The following FAM20C variants were observed in gnomAD, a reference collection of about 807,000 sequenced individuals.
FAM20C encodes the protein FAM20C golgi associated secretory pathway kinase.
Under a neutral mutation model 51.5 loss-of-function variants are expected in FAM20C, and 40 were observed. That is an observed-to-expected ratio of 0.78 (90% confidence interval 0.60 to 1.01). The LOEUF is 1.01. FAM20C is among the 50% of genes least tolerant of loss of function. The probability of loss-of-function intolerance (pLI) is 0.00; values close to 1 mark genes in which losing one functional copy is unlikely to be tolerated. For missense variants in FAM20C, 861 were observed against 844.7 expected (o/e 1.02, Z -0.24); for synonymous variants, 406 against 380.6 (o/e 1.07, Z -0.78).
intron 3 of FAM20C, among the ~76,000 whole-genome samples, chr7:223,625 G>A (rs1292457321): frequency 1.3e-5 from 2 of 152,160 alleles, no homozygotes; most frequent in African/African-American, 4.8e-5. Context: ...CTGCTGCACC[G>A]AGCCCCGTGG....
chr7:200,162 C>A (rs1292471192), intron 2 of FAM20C, among the ~76,000 whole-genome samples: 1 of 152,212 alleles, frequency 6.6e-6, no homozygotes, highest in Non-Finnish European at 1.5e-5. Flanking sequence ...CGTGTCTGTT[C>A]CTTGGGAGCA....
intron 3 of FAM20C, among the ~76,000 whole-genome samples, chr7:218,475 C>T (rs1787105583): frequency 6.6e-6 from 1 of 152,238 alleles, no homozygotes; most frequent in Admixed American, 6.5e-5. Flanking sequence ...CTGGTAAGCT[C>T]GTGGCCCAGC....
intron 4 of FAM20C, among the ~76,000 whole-genome samples, chr7:247,163 C>A (rs1039110065): frequency 6.6e-6 from 1 of 152,204 alleles, no homozygotes; most frequent in African/African-American, 2.4e-5. Flanking sequence ...CCTGGGAGGC[C>A]CCACGGTCGC....
intron 3 of FAM20C, among the ~76,000 whole-genome samples, chr7:214,766 A>G (rs1392344982): frequency 1.3e-5 from 2 of 152,150 alleles, no homozygotes; most frequent in African/African-American, 4.8e-5. Context: ...GGGACTGAGC[A>G]TGGGTTTGAG....
At chr7:230,665 C>G (rs1452841821) in intron 3 of FAM20C, among the ~76,000 whole-genome samples, 1 of 152,142 alleles carries the variant, frequency 6.6e-6, no homozygotes, top group African/African-American at 2.4e-5. Context: ...TTAGATGAGT[C>G]GCGATACAGA....
Position 193,433 on chromosome 7 carries a change from C to G in FAM20C, c.234C>G (p.Gly78=), listed in dbSNP as rs1263950129. ...CCCCGGCCGCCTCCTCCGCCGCCGG[C>G]GACGCGGGCTGGCCCAACAAGCACA... ...GEPPAASSAA[G]DAGWPNKHTL... is the part of the protein sequence containing the mutation. The change falls in exon 1 of 10, where the codon GGC becomes GGG. Residue 78 remains glycine, a synonymous_variant. Transcript: ENST00000313766. The G allele has an allele frequency of 5.6e-6, 8 of 1,422,070 alleles. No homozygotes were observed. The highest frequency in any genetic ancestry group is 6.5e-6 in the Non-Finnish European group (7 of 1,076,974). The allele number at this position is 1,422,070 out of a possible 1,614,324, so 88.1% of individuals were successfully genotyped here.
intron 3 of FAM20C, among the ~76,000 whole-genome samples, chr7:212,823 G>A (rs1786784526): frequency 6.6e-6 from 1 of 152,158 alleles, no homozygotes; most frequent in African/African-American, 2.4e-5. Flanking sequence ...TAATTCACAA[G>A]CCATGCGATT....
intron 3 of FAM20C, among the ~76,000 whole-genome samples, chr7:230,931 C>T (rs766017628): frequency 5.9e-5 from 9 of 152,156 alleles, no homozygotes; most frequent in Non-Finnish European, 8.8e-5. Flanking sequence ...AGTGTGGACC[C>T]GCTGCTGGAC....
In FAM20C at chr7:208,848, AG is replaced by A. The variant is rs764364290; in HGVS notation, c.785-46del. ...GAGCCCTCGTCCGCACAGGAGAAGA[AG>A]GGGCGTGAGGCCAGAGAGTGACCCT... On this transcript the variant is annotated intron_variant, in intron 2 of 9. Coordinates refer to ENST00000313766, the MANE Select transcript of FAM20C (RefSeq NM_020223.4). The A allele has an allele frequency of 3.8e-5, 58 of 1,535,466 alleles. 1 individual carries two copies. In the Admixed American group the frequency reaches 8.1e-4, roughly 21 times the overall value.
At position 257,831 on chromosome 7, in the gene FAM20C, T is replaced by TG. The variant is rs1346497893; in HGVS notation, c.1445+748dup. On this transcript the variant is annotated intron_variant, in intron 8 of 9. Coordinates refer to ENST00000313766, the MANE Select transcript of FAM20C (RefSeq NM_020223.4). ...GACCCACTGCCCGGGGTGCTGGAGA[T>TG]GGGCAGGGTGGACCCACTGCCTGGG... Among the ~76,000 whole-genome samples the TG allele has an allele frequency of 1.4e-3, 157 of 115,124 alleles. 1 individual carries two copies. The highest frequency in any genetic ancestry group is 2.1e-3 in the African/African-American group (59 of 28,462). 75.5% of individuals were successfully genotyped at this position (115,124 alleles called of 152,430 possible).
At chr7:228,651 G>A (rs971298368) in intron 3 of FAM20C, 1 of 456,264 alleles carries the variant, frequency 2.2e-6, no homozygotes, top group Admixed American at 2.3e-5. Flanking sequence ...AGAAGCTCAG[G>A]TTTGGACAAC....
intron 8 of FAM20C, among the ~76,000 whole-genome samples, 198 bp from the exon 9 acceptor site, chr7:258,448 G>C (rs1215589496): frequency 1.1e-5 from 1 of 93,856 alleles, no homozygotes; most frequent in Non-Finnish European, 2.2e-5. Context: ...CTGGAGATGG[G>C]TGGGATGGAC....
chr7:241,202 C>T (rs1787937297), intron 3 of FAM20C, among the ~76,000 whole-genome samples: 1 of 152,128 alleles, frequency 6.6e-6, no homozygotes, highest in Non-Finnish European at 1.5e-5. Context: ...CTGGGGCTTT[C>T]AGCCCAGCTG....
intron 2 of FAM20C, among the ~76,000 whole-genome samples, chr7:202,972 G>C: frequency 6.6e-6 from 1 of 152,236 alleles, no homozygotes; most frequent in East Asian, 1.9e-4. Context: ...ACTGGGGTTT[G>C]ATTGTGCTGT....
intron 2 of FAM20C, among the ~76,000 whole-genome samples, chr7:196,954 C>T (rs1785901898): frequency 6.6e-6 from 1 of 152,122 alleles, no homozygotes; most frequent in Admixed American, 6.5e-5. Flanking sequence ...CCCTCCAGGC[C>T]CCCCTCCGTG....
At chr7:224,375 G>GC (rs146085042) in intron 3 of FAM20C, among the ~76,000 whole-genome samples, 5 of 23,518 alleles carry the variant, frequency 2.1e-4, no homozygotes, top group Non-Finnish European at 2.8e-4. Flanking sequence ...CTGTCACGGG[G>GC]TCACATGGCG....
rs751592577 is a variant in FAM20C, at chr7:193,657, G to A, written c.458G>A (p.Gly153Asp). ...CCGCGTCGGTCCGAGTCGCCCCCCG[G>A]CCCCGGCGGAGACGCCTCCCTCCTG... ...PGPRRSESPP[G>D]PGGDASLLAR... Residue 153 changes from glycine to aspartate, a missense_variant, in exon 1 of 10, where the codon GGC becomes GAC. Coordinates refer to ENST00000313766, the MANE Select transcript of FAM20C (RefSeq NM_020223.4). The A allele has an allele frequency of 1.6e-4, 244 of 1,540,560 alleles. No individual in the cohort carries two copies. The highest frequency in any genetic ancestry group is 2.0e-4 in the Non-Finnish European group (226 of 1,143,462).
intron 3 of FAM20C, among the ~76,000 whole-genome samples, chr7:237,798 G>A (rs1787893526): frequency 6.6e-6 from 1 of 152,270 alleles, no homozygotes; most frequent in Non-Finnish European, 1.5e-5. Context: ...GGATGATAAT[G>A]ATGGTGGAGG....
At chr7:223,666 G>A (rs558253988) in intron 3 of FAM20C, among the ~76,000 whole-genome samples, 1 of 152,350 alleles carries the variant, frequency 6.6e-6, no homozygotes, top group South Asian at 2.1e-4. Context: ...AGAGGGGTCA[G>A]CCTGCAGCTG....
Sources: gnomAD v4.1 joint callset for allele counts (sites outside exome capture counted in the v4.1 genomes callset) on GRCh38, gnomAD v4.1.1 for gene constraint, MANE v1.5 for transcripts, NCBI Gene and HGNC (gene_info 2026-07-23, HGNC 2026-07-21) for gene names.